The following CHD9 variants were observed in gnomAD, a reference collection of about 807,000 sequenced individuals.
CHD9 encodes chromodomain helicase DNA binding protein 9, also known as ATP-dependent chromatin remodeler CHD9.
In CHD9, 77 loss-of-function variants were observed where a neutral mutation model predicts 316.1. The ratio of observed to expected loss-of-function variants is 0.24; its 90% CI spans 0.20 to 0.29. The LOEUF (loss-of-function observed/expected upper bound fraction) is 0.29. Among genes scored for constraint, CHD9 ranks in the 10% least tolerant of loss-of-function variants. The pLI is 1.00. For missense variants in CHD9, 2,763 were observed against 3,438.1 expected (o/e 0.80, Z 4.91); for synonymous variants, 1,129 against 1,158.3 (o/e 0.97, Z 0.51).
At chr16:53,134,995 G>A (rs1258640390) in intron 1 of CHD9, among the ~76,000 whole-genome samples, 1 of 152,170 alleles carries the variant, frequency 6.6e-6, no homozygotes, top group Non-Finnish European at 1.5e-5. Context: ...AGAGTGCTAT[G>A]GTGGAGAAAA....
rs1417557255 is a variant in CHD9, at chr16:53,145,302, C to T, written c.-164-10624C>T. 3.3e-5 allele frequency among the ~76,000 whole-genome samples: 5 copies of T among 151,822 alleles called. No individual in the cohort carries two copies. The East Asian group carries it at 8.0e-4, about 24-fold the overall frequency. ...AAATAGCTGGGATTACAGGCATGCA[C>T]CACCATGCCTCACTAATTTTGTGTT... On this transcript the variant is annotated intron_variant, in intron 1 of 38. Transcript: ENST00000447540.
Position 53,084,719 on chromosome 16 carries a change from GCA to G in CHD9, c.-165+29643_-165+29644del, listed in dbSNP as rs1241413995. On this transcript the variant is annotated intron_variant, in intron 1 of 38. Transcript: ENST00000447540. ...GATCACGCCACTGCACTCCAGCCTG[GCA>G]ACAGAGTGAGACTTCGTCTCAAAAC... Among the ~76,000 whole-genome samples, 7 of 152,320 alleles carry G rather than the reference GCA, an allele frequency of 4.6e-5. No homozygotes were observed. The East Asian group carries it at 1.4e-3, about 29-fold the overall frequency.
chr16:53,145,799 G>T (rs2040526587), intron 1 of CHD9, among the ~76,000 whole-genome samples: 1 of 152,034 alleles, frequency 6.6e-6, no homozygotes, highest in Non-Finnish European at 1.5e-5. Flanking sequence ...CCAAAAGCTA[G>T]ATTCTATAGC....
chr16:53,088,530 G>A (rs56943651), intron 1 of CHD9, among the ~76,000 whole-genome samples: 3 of 151,610 alleles, frequency 2.0e-5, no homozygotes, highest in South Asian at 2.1e-4. Context: ...CACCCTCCTC[G>A]GCCTCCCAAA....
At chr16:53,183,258 A>G (rs1360671347) in intron 2 of CHD9, among the ~76,000 whole-genome samples, 3 of 152,240 alleles carry the variant, frequency 2.0e-5, no homozygotes, top group African/African-American at 4.8e-5. Flanking sequence ...AGAAATAAAC[A>G]TTATGGATAA....
intron 2 of CHD9, among the ~76,000 whole-genome samples, chr16:53,174,173 C>T (rs563780555): frequency 6.5e-4 from 99 of 152,216 alleles, no homozygotes; most frequent in Middle Eastern, 3.4e-3. Context: ...AGTCCCAGCT[C>T]CTCAGGTGGC....
intron 22 of CHD9, 103 bp from the exon 23 acceptor site, chr16:53,273,523 C>A: frequency 1.3e-6 from 1 of 783,348 alleles, no homozygotes; most frequent in Non-Finnish European, 2.0e-6. Flanking sequence ...GATCTCTGAA[C>A]AGACCTCAGA....
intron 2 of CHD9, among the ~76,000 whole-genome samples, chr16:53,188,646 G>A (rs116348789): frequency 0.013 from 1,699 of 131,118 alleles, 38 homozygotes; most frequent in African/African-American, 0.047. Flanking sequence ...GGAAGCTGGC[G>A]TGCAGTGGTA....
intron 4 of CHD9, 44 bp from the exon 5 acceptor site, chr16:53,226,322 T>G: frequency 1.4e-6 from 2 of 1,385,206 alleles, no homozygotes; most frequent in Non-Finnish European, 9.6e-7. Flanking sequence ...AAAACTTTTC[T>G]TCAAAATAAA....
Position 53,156,675 on chromosome 16 carries a change from T to A in CHD9, c.586T>A (p.Ser196Thr). 1.2e-6 allele frequency: 2 copies of A among 1,613,968 alleles called. No individual in the cohort carries two copies. Among genetic ancestry groups the A allele is most frequent in the African/African-American group, 1.3e-5 (1 of 75,048 alleles). Residue 196 changes from serine to threonine, a missense_variant, in exon 2 of 39, where the codon TCT becomes ACT. Transcript: ENST00000447540. ...LNPGQNSLSQ[S>T]KNFMNVSGPH... ...CCCAGGGCAGAATTCTCTTAGCCAG[T>A]CTAAAAATTTTATGAATGTTTCTGG... is the stretch of plus-strand genomic sequence containing the variant.
At chr16:53,275,202 A>G (rs985825718) in intron 24 of CHD9, among the ~76,000 whole-genome samples, 4 of 151,802 alleles carry the variant, frequency 2.6e-5, no homozygotes. Flanking sequence ...TAATTTTTGT[A>G]TTTTTAGTAG....
chr16:53,057,191 T>C (rs1453347397), intron 1 of CHD9, among the ~76,000 whole-genome samples: 1 of 151,862 alleles, frequency 6.6e-6, no homozygotes, highest in East Asian at 1.9e-4. Flanking sequence ...AAAAATATGT[T>C]TGTGGCCGGG....
intron 3 of CHD9, among the ~76,000 whole-genome samples, chr16:53,219,225 G>T (rs1277954904): frequency 6.6e-6 from 1 of 151,970 alleles, no homozygotes; most frequent in Non-Finnish European, 1.5e-5. Flanking sequence ...GATTGGATTG[G>T]GTGCATATTG....
intron 1 of CHD9, among the ~76,000 whole-genome samples, chr16:53,076,605 A>AAT (rs1015307495): frequency 8.9e-4 from 134 of 151,176 alleles, no homozygotes; most frequent in African/African-American, 2.7e-3. Flanking sequence ...GAAAAGAAAA[A>AAT]ATATATATAT....
intron 1 of CHD9, among the ~76,000 whole-genome samples, chr16:53,130,183 G>T (rs978452405): frequency 2.6e-5 from 4 of 152,058 alleles, no homozygotes; most frequent in Non-Finnish European, 4.4e-5. Flanking sequence ...TCCGCGGCGG[G>T]CGCCGGCTAC....
chr16:53,218,915 C>G (rs994491916), intron 3 of CHD9, among the ~76,000 whole-genome samples: 2 of 151,972 alleles, frequency 1.3e-5, no homozygotes, highest in African/African-American at 4.8e-5. Context: ...TTTTTACTAC[C>G]CAGTTTTATT....
At chr16:53,269,176 A>T (rs1271144080) in intron 22 of CHD9, among the ~76,000 whole-genome samples, 1 of 152,174 alleles carries the variant, frequency 6.6e-6, no homozygotes, top group African/African-American at 2.4e-5. Context: ...TCAGAGGTAT[A>T]CGCTAGTACT....
In CHD9 at chr16:53,285,671, G is replaced by A. The variant is rs2053810613; in HGVS notation, c.5043G>A (p.Lys1681=). ...PAEWWDFDAD[K]SLLIGVFKHG... ...AGTGGTGGGATTTTGATGCTGATAA[G>A]TCACTCCTTATTGGAGTTTTTAAAC... Residue 1681 remains lysine (K), a synonymous_variant, in exon 25 of 39, where the codon AAG becomes AAA. Coordinates refer to ENST00000447540, the MANE Select transcript of CHD9 (RefSeq NM_001308319.2). The A allele has an allele frequency of 6.2e-7, 1 of 1,608,294 alleles. No homozygotes were observed. Among genetic ancestry groups the A allele is most frequent in the Non-Finnish European group, 8.5e-7 (1 of 1,176,584 alleles).
chr16:53,130,733 G>A (rs1176776243), intron 1 of CHD9, among the ~76,000 whole-genome samples: 3 of 151,708 alleles, frequency 2.0e-5, no homozygotes, highest in Non-Finnish European at 4.4e-5. Flanking sequence ...CCTCCGCCCT[G>A]GGTCGGGCCG....
Sources: gnomAD v4.1 joint callset for allele counts (sites outside exome capture counted in the v4.1 genomes callset) on GRCh38, gnomAD v4.1.1 for gene constraint, MANE v1.5 for transcripts, NCBI Gene and HGNC (gene_info 2026-07-23, HGNC 2026-07-21) for gene names.